Variants in LRRC7 observed in about 807,000 individuals in gnomAD.
The protein encoded by LRRC7 is leucine-rich repeat-containing protein 7.
A neutral mutation model predicts 175.7 loss-of-function variants in LRRC7; 23 were observed. That is an observed-to-expected ratio of 0.13 (90% CI 0.09 to 0.19). The LOEUF is 0.19. Among genes scored for constraint, LRRC7 ranks in the 10% least tolerant of loss-of-function variants. The pLI, the probability that LRRC7 is intolerant of heterozygous loss-of-function variation, is 1.00. For missense variants in LRRC7, 1,354 were observed against 1,904.7 expected (o/e 0.71, Z 5.38); for synonymous variants, 685 against 680.9 (o/e 1.01, Z -0.09).
At chr1:69,608,887 TATATATATATATAC>T (rs1390740428) in intron 1 of LRRC7, among the ~76,000 whole-genome samples, 43 of 137,996 alleles carry the variant, frequency 3.1e-4, no homozygotes, top group African/African-American at 8.5e-4. Context: ...TATATATATA[TATATATATATATAC>T]ACACACACAC....
intron 7 of LRRC7, among the ~76,000 whole-genome samples, chr1:69,899,646 G>A (rs966327452): frequency 6.6e-6 from 1 of 152,160 alleles, no homozygotes; most frequent in Non-Finnish European, 1.5e-5. Flanking sequence ...CCAATAAAAC[G>A]ATTGCTATGG....
chr1:69,654,916 T>A (rs1395281802), intron 1 of LRRC7, among the ~76,000 whole-genome samples: 1 of 152,140 alleles, frequency 6.6e-6, no homozygotes, highest in African/African-American at 2.4e-5. Context: ...ATCAAAATTA[T>A]CCATTCCAAA....
chr1:69,576,721 T>C (rs574254429), intron 1 of LRRC7, among the ~76,000 whole-genome samples: 1 of 152,244 alleles, frequency 6.6e-6, no homozygotes, highest in Non-Finnish European at 1.5e-5. Flanking sequence ...GCTTTTCATT[T>C]GTAAAATGGT....
chr1:69,924,411 G>A (rs1646992619), intron 7 of LRRC7, among the ~76,000 whole-genome samples: 2 of 152,266 alleles, frequency 1.3e-5, no homozygotes, highest in South Asian at 4.2e-4. Flanking sequence ...GCATTTTTAC[G>A]ATATTGATTC....
At chr1:69,758,892 TTG>T in intron 2 of LRRC7, among the ~76,000 whole-genome samples, 1 of 152,136 alleles carries the variant, frequency 6.6e-6, no homozygotes. Context: ...AGCAATAAAT[TTG>T]TGTTACTAAG....
At chr1:69,900,755 T>C (rs1322235026) in intron 7 of LRRC7, among the ~76,000 whole-genome samples, 1 of 152,058 alleles carries the variant, frequency 6.6e-6, no homozygotes, top group Non-Finnish European at 1.5e-5. Flanking sequence ...GCATTGTAGG[T>C]TTTGGATTTT....
intron 1 of LRRC7, among the ~76,000 whole-genome samples, chr1:69,588,435 G>A (rs2100944907): frequency 6.6e-6 from 1 of 152,218 alleles, no homozygotes; most frequent in Admixed American, 6.5e-5. Flanking sequence ...TATAATGTGA[G>A]CAGGCCTATA....
At chr1:69,932,710 A>C (rs2101774523) in intron 8 of LRRC7, among the ~76,000 whole-genome samples, 1 of 152,292 alleles carries the variant, frequency 6.6e-6, no homozygotes, top group Admixed American at 6.5e-5. Flanking sequence ...CTTGCATAAA[A>C]ATTGCTAGTC....
At chr1:69,809,976 C>A (rs558913530) in intron 4 of LRRC7, among the ~76,000 whole-genome samples, 11 of 152,196 alleles carry the variant, frequency 7.2e-5, no homozygotes, top group African/African-American at 2.6e-4. Flanking sequence ...AAAAGGAACT[C>A]AAATTATCTC....
At chr1:70,031,660 C>T (rs752527223) in intron 18 of LRRC7, among the ~76,000 whole-genome samples, 45 of 152,148 alleles carry the variant, frequency 3.0e-4, no homozygotes, top group Admixed American at 9.2e-4. Flanking sequence ...CTGTTAAACA[C>T]CACCTATCTT....
At chr1:69,766,831 C>T (rs1461889926) in intron 3 of LRRC7, among the ~76,000 whole-genome samples, 1 of 152,132 alleles carries the variant, frequency 6.6e-6, no homozygotes, top group Non-Finnish European at 1.5e-5. Flanking sequence ...AAACAAATGG[C>T]AGGCTTCTAC....
rs193288386 is a variant in LRRC7, at chr1:70,060,516, G to A, written c.4230+7371G>A. On this transcript the variant is annotated intron_variant, in intron 23 of 26. Transcript: ENST00000651989. ...GCTGTTGAGGTCCCTTATGTCAAAA[G>A]GTTGGGGTGAATGTAGCTTATTTAA... Among the ~76,000 whole-genome samples the A allele has an allele frequency of 2.6e-4, 39 of 152,180 alleles. No individual in the cohort carries two copies. In the East Asian group the frequency reaches 4.6e-3, roughly 18 times the overall value.
chr1:70,041,669 G>A (rs929719976), intron 21 of LRRC7, among the ~76,000 whole-genome samples: 1 of 152,246 alleles, frequency 6.6e-6, no homozygotes, highest in African/African-American at 2.4e-5. Context: ...GCTTTTTGGA[G>A]CATATGTACA....
At chr1:69,762,408 G>C (rs568552908) in intron 3 of LRRC7, among the ~76,000 whole-genome samples, 1 of 152,106 alleles carries the variant, frequency 6.6e-6, no homozygotes, top group Non-Finnish European at 1.5e-5. Flanking sequence ...TGTATAATCG[G>C]AGCCAAAGAG....
intron 2 of LRRC7, among the ~76,000 whole-genome samples, chr1:69,726,809 G>A (rs565619566): frequency 6.6e-6 from 1 of 152,034 alleles, no homozygotes; most frequent in African/African-American, 2.4e-5. Context: ...AAAAATAACA[G>A]AATTAAATAA....
intron 10 of LRRC7, among the ~76,000 whole-genome samples, chr1:69,988,625 G>T (rs1238080742): frequency 6.6e-6 from 1 of 152,084 alleles, no homozygotes; most frequent in Non-Finnish European, 1.5e-5. Context: ...ATTAGGGCGG[G>T]ACCTCTTTTC....
At chr1:69,986,970 G>A (rs545013437) in intron 10 of LRRC7, among the ~76,000 whole-genome samples, 6 of 152,246 alleles carry the variant, frequency 3.9e-5, no homozygotes, top group African/African-American at 9.6e-5. Flanking sequence ...TGGGCCAGGC[G>A]CAGTGGCTCA....
chr1:70,116,247 AAC>A (rs1287153477), intron 26 of LRRC7, among the ~76,000 whole-genome samples: 1 of 152,162 alleles, frequency 6.6e-6, no homozygotes, highest in Non-Finnish European at 1.5e-5. Flanking sequence ...GTGTGTACTT[AAC>A]ACAGAAGAGA....
chr1:69,999,338 C>T (rs931614266), intron 11 of LRRC7, among the ~76,000 whole-genome samples: 3 of 152,124 alleles, frequency 2.0e-5, no homozygotes, highest in African/African-American at 7.2e-5. Flanking sequence ...CATCTATGAA[C>T]ACTGAGAAGG....
Sources: allele counts gnomAD v4.1 joint callset (sites outside exome capture counted in the v4.1 genomes callset), GRCh38; gene constraint gnomAD v4.1.1; transcripts MANE v1.5; gene names NCBI Gene and HGNC (gene_info 2026-07-23, HGNC 2026-07-21).